Variants in EYS observed in about 807,000 individuals in gnomAD.
EYS encodes the protein EGF-like photoreceptor maintenance factor.
In EYS, 250 loss-of-function variants were observed where a neutral mutation model predicts 282.1. The observed-to-expected ratio is 0.89, with a 90% CI of 0.80 to 0.98. The LOEUF (loss-of-function observed/expected upper bound fraction) is 0.98. Among genes scored for constraint, EYS ranks in the 50% least tolerant of loss-of-function variants. The probability of loss-of-function intolerance (pLI) is 0.00; values close to 1 mark genes in which losing one functional copy is unlikely to be tolerated. For missense variants in EYS, 4,016 were observed against 3,709.0 expected, an observed-to-expected ratio of 1.08 and a Z score of -2.15; for synonymous variants, 1,355 against 1,282.9, an observed-to-expected ratio of 1.06 and a Z score of -1.20.
At chr6:65,330,440 C>T in intron 11 of EYS, 1 of 984,292 alleles carries the variant, frequency 1.0e-6, no homozygotes, top group Non-Finnish European at 1.2e-6. Context: ...GCAAATCTTT[C>T]CTGGTCTTAA....
rs575582184 is a variant in EYS at position 64,937,325 on chromosome 6, G to A, written c.2381+8468C>T. Among the ~76,000 whole-genome samples the A allele has an allele frequency of 2.6e-5, 4 of 151,578 alleles. No individual in the cohort carries two copies. The South Asian group carries it at 6.2e-4, about 24-fold the overall frequency. ...GTTGTCCTCAAAATTAAAATTGTTT[G>A]TGCCTGAAAGGACACCATGAAGAAA... On this transcript the variant is annotated intron_variant, in intron 15 of 42. Transcript: ENST00000503581.
intron 12 of EYS, among the ~76,000 whole-genome samples, chr6:65,212,810 TTC>T (rs1453174629): frequency 1.3e-5 from 2 of 152,248 alleles, no homozygotes; most frequent in African/African-American, 4.8e-5. Context: ...ATAAGTTATA[TTC>T]ATAAAAATTA....
chr6:65,375,951 C>G (rs960172795), intron 8 of EYS, among the ~76,000 whole-genome samples: 1 of 152,032 alleles, frequency 6.6e-6, no homozygotes, highest in Non-Finnish European at 1.5e-5. Context: ...TTGGAAAACA[C>G]TTCAGGATAT....
chr6:65,506,835 GCAC>G (rs1766678354), intron 2 of EYS, among the ~76,000 whole-genome samples: 1 of 151,916 alleles, frequency 6.6e-6, no homozygotes, highest in Admixed American at 6.6e-5. Context: ...TTCATGTGTA[GCAC>G]CTGTACCTTG....
chr6:64,593,017 T>A, intron 25 of EYS, 100 bp downstream of exon 25: 1 of 785,872 alleles, frequency 1.3e-6, no homozygotes. Context: ...AAATCATGTA[T>A]CTCAGAAAAA....
At chr6:65,579,665 CTCTT>C (rs1764803166) in intron 2 of EYS, among the ~76,000 whole-genome samples, 1 of 152,196 alleles carries the variant, frequency 6.6e-6, no homozygotes, top group East Asian at 1.9e-4. Context: ...AGAAATCTGT[CTCTT>C]TCTTTTTATA....
Position 63,836,920 on chromosome 6 carries a change from A to G in EYS, c.7228+27266T>C, listed in dbSNP as rs1018586912. Among the ~76,000 whole-genome samples the G allele has an allele frequency of 4.6e-5, 7 of 152,180 alleles. No individual in the cohort carries two copies. The East Asian group carries it at 1.4e-3, about 29-fold the overall frequency. ...GATAACTAAGACATAGTCCTTGGCT[A>G]TAACTTGGCCTTGTATCATTCTCTG... On this transcript the variant is annotated intron_variant, in intron 36 of 42. Transcript: ENST00000503581.
chr6:65,443,105 A>G (rs115819683), intron 5 of EYS, among the ~76,000 whole-genome samples: 25,260 of 146,228 alleles, frequency 0.17, 3,193 homozygotes, highest in Middle Eastern at 0.29. Flanking sequence ...ATGCATATAC[A>G]TATATGTGGA....
intron 36 of EYS, among the ~76,000 whole-genome samples, 193 bp downstream of exon 36, chr6:63,863,993 T>A (rs1581908725): frequency 1.3e-5 from 2 of 152,220 alleles, no homozygotes; most frequent in Admixed American, 1.3e-4. Context: ...GTTAATTACT[T>A]GATGGGTATG....
chr6:63,907,108 G>A (rs765383798), intron 35 of EYS, among the ~76,000 whole-genome samples: 1 of 152,178 alleles, frequency 6.6e-6, no homozygotes, highest in Non-Finnish European at 1.5e-5. Context: ...CTCCTGCTGT[G>A]GCATGTAGAC....
Position 63,806,230 on chromosome 6 carries a change from C to T in EYS, c.7371G>A (p.Leu2457=), listed in dbSNP as rs1228795659. 6.4e-7 allele frequency: 1 copy of T among 1,551,458 alleles called. No homozygotes were observed. The highest frequency in any genetic ancestry group is 8.7e-7 in the Non-Finnish European group (1 of 1,146,834). The part of the protein sequence containing the change: ...KFQLANNHSA[L]QNNLIFFTGQ... ...CAGTAAAAAATATCAAGTTATTTTG[C>T]AGTGCTGAGTGGTTGTTTGCCAGCT... The change falls in exon 37 of 43, where the codon CTG becomes CTA. Residue 2457 remains leucine (L), a synonymous_variant. Transcript: ENST00000503581.
At chr6:63,898,215 G>T (rs1251890771) in intron 35 of EYS, among the ~76,000 whole-genome samples, 1 of 152,152 alleles carries the variant, frequency 6.6e-6, no homozygotes, top group Admixed American at 6.5e-5. Flanking sequence ...TTGGCTGGGC[G>T]TGATGGCTCA....
chr6:64,663,088 T>C (rs921368168), intron 22 of EYS, among the ~76,000 whole-genome samples: 9 of 149,274 alleles, frequency 6.0e-5, no homozygotes, highest in African/African-American at 2.2e-4. Context: ...TCTGTAAGAG[T>C]TAATCAGAGC....
In EYS at chr6:63,913,049, A is replaced by G. The variant is rs532217296; in HGVS notation, c.7056-48691T>C. ...ACTCTTTAGGGTTTCTTTTTTATCT[A>G]TTTATTCCTTTGTGTGTAAATGAAC... On this transcript the variant is annotated intron_variant, in intron 35 of 42. Transcript: ENST00000503581. Among the ~76,000 whole-genome samples, 6 of 152,280 alleles carry G rather than the reference A, an allele frequency of 3.9e-5. No homozygotes were observed. In the East Asian group the frequency reaches 9.6e-4, roughly 24 times the overall value.
chr6:63,798,991 A>G (rs1211353711), intron 37 of EYS, among the ~76,000 whole-genome samples: 32 of 123,312 alleles, frequency 2.6e-4, no homozygotes, highest in African/African-American at 3.6e-4. Flanking sequence ...ATGTGTGTAT[A>G]TATATATATA....
At chr6:63,885,936 T>A (rs562978892) in intron 35 of EYS, among the ~76,000 whole-genome samples, 78 of 152,316 alleles carry the variant, frequency 5.1e-4, no homozygotes, top group African/African-American at 1.8e-3. Flanking sequence ...ATCAAATAAG[T>A]ATTTGTTGAA....
intron 22 of EYS, among the ~76,000 whole-genome samples, chr6:64,641,207 G>A (rs1217849676): frequency 1.3e-5 from 2 of 152,156 alleles, no homozygotes; most frequent in African/African-American, 2.4e-5. Flanking sequence ...GCAAGGAGGA[G>A]CAAGTCCCTT....
intron 12 of EYS, among the ~76,000 whole-genome samples, chr6:65,108,822 T>C (rs1775120788): frequency 6.6e-6 from 1 of 152,162 alleles, no homozygotes; most frequent in Non-Finnish European, 1.5e-5. Flanking sequence ...AAATTATATA[T>C]ATGTTGGACA....
At chr6:64,168,209 C>G (rs985843929) in intron 31 of EYS, among the ~76,000 whole-genome samples, 1 of 152,066 alleles carries the variant, frequency 6.6e-6, no homozygotes, top group Non-Finnish European at 1.5e-5. Context: ...TGCAGTGAGC[C>G]AAGATCACGC....
Sources: gnomAD v4.1 joint callset for allele counts (sites outside exome capture counted in the v4.1 genomes callset) on GRCh38, gnomAD v4.1.1 for gene constraint, MANE v1.5 for transcripts, NCBI Gene and HGNC (gene_info 2026-07-23, HGNC 2026-07-21) for gene names.